SGMS1: variants seen among roughly 807,000 people sequenced by gnomAD.
SGMS1 encodes the protein phosphatidylcholine:ceramide cholinephosphotransferase 1.
Under a neutral mutation model 46.2 loss-of-function variants are expected in SGMS1, and 13 were observed. That is an observed-to-expected ratio of 0.28 (90% CI 0.18 to 0.45). The LOEUF is 0.45. Among genes scored for constraint, SGMS1 ranks in the 20% least tolerant of loss-of-function variants. The pLI, the probability that SGMS1 is intolerant of heterozygous loss-of-function variation, is 1.00. For missense variants in SGMS1, 324 were observed against 519.9 expected (o/e 0.62, Z 3.66); for synonymous variants, 203 against 187.8 (o/e 1.08, Z -0.66).
chr10:50,508,445 G>A (rs1286752016), intron 3 of SGMS1, among the ~76,000 whole-genome samples: 1 of 152,194 alleles, frequency 6.6e-6, no homozygotes, highest in South Asian at 2.1e-4. Flanking sequence ...GTTAACTGCG[G>A]TTAACATCTC....
At chr10:50,618,409 A>G (rs1256572982) in intron 1 of SGMS1, among the ~76,000 whole-genome samples, 2 of 152,246 alleles carry the variant, frequency 1.3e-5, no homozygotes, top group African/African-American at 2.4e-5. Context: ...GTTGATAAAC[A>G]GAAGACAGGA....
intron 6 of SGMS1, among the ~76,000 whole-genome samples, chr10:50,406,704 C>CTTTTTTTTTTTTTTTTT (rs11424535): frequency 2.1e-5 from 3 of 145,034 alleles, no homozygotes; most frequent in Non-Finnish European, 1.5e-5. Context: ...AGCTATAATT[C>CTTTTTTTTTTTTTTTTT]TTTTTTTTTT....
intron 1 of SGMS1, among the ~76,000 whole-genome samples, chr10:50,620,787 T>A (rs976411592): frequency 1.3e-5 from 2 of 152,242 alleles, no homozygotes; most frequent in African/African-American, 4.8e-5. Flanking sequence ...AGCTTTTCTA[T>A]AGCAGCACTT....
chr10:50,448,302 T>C, intron 5 of SGMS1, among the ~76,000 whole-genome samples: 1 of 152,206 alleles, frequency 6.6e-6, no homozygotes, highest in East Asian at 1.9e-4. Context: ...AAGAAGAGTA[T>C]ATTTTTTAAC....
At chr10:50,381,346 T>C (rs1848602958) in intron 6 of SGMS1, among the ~76,000 whole-genome samples, 1 of 151,934 alleles carries the variant, frequency 6.6e-6, no homozygotes, top group African/African-American at 2.4e-5. Context: ...GCAAAAGCAC[T>C]GTAAACAAAC....
At chr10:50,464,433 G>A (rs1336671190) in intron 4 of SGMS1, among the ~76,000 whole-genome samples, 1 of 152,200 alleles carries the variant, frequency 6.6e-6, no homozygotes, top group Non-Finnish European at 1.5e-5. Flanking sequence ...AGTGCAGCCT[G>A]TGGACACCTG....
chr10:50,573,588 C>T (rs1838354220), intron 2 of SGMS1, among the ~76,000 whole-genome samples: 1 of 152,062 alleles, frequency 6.6e-6, no homozygotes, highest in Non-Finnish European at 1.5e-5. Flanking sequence ...TCTATACTAC[C>T]CAAAGCAATT....
At chr10:50,520,396 T>C (rs1262409546) in intron 2 of SGMS1, among the ~76,000 whole-genome samples, 2 of 151,852 alleles carry the variant, frequency 1.3e-5, no homozygotes, top group Non-Finnish European at 2.9e-5. Flanking sequence ...AAAAAACTAT[T>C]AATGTCTTAT....
At chr10:50,459,695 C>G (rs557739100) in intron 5 of SGMS1, among the ~76,000 whole-genome samples, 4 of 152,216 alleles carry the variant, frequency 2.6e-5, no homozygotes, top group African/African-American at 7.2e-5. Context: ...TGAGCCACCA[C>G]GCCCAGCTGA....
intron 6 of SGMS1, among the ~76,000 whole-genome samples, chr10:50,375,289 T>C (rs1021058017): frequency 6.6e-6 from 1 of 152,176 alleles, no homozygotes; most frequent in African/African-American, 2.4e-5. Flanking sequence ...TTTAAGGGTG[T>C]GACTGGTGCT....
intron 1 of SGMS1, among the ~76,000 whole-genome samples, chr10:50,622,520 G>A (rs1373375979): frequency 6.6e-6 from 1 of 152,168 alleles, no homozygotes; most frequent in Non-Finnish European, 1.5e-5. Flanking sequence ...AAAATAACCT[G>A]TCCAAACAGC....
intron 2 of SGMS1, among the ~76,000 whole-genome samples, chr10:50,565,316 A>G (rs948691227): frequency 6.6e-6 from 1 of 152,212 alleles, no homozygotes; most frequent in Non-Finnish European, 1.5e-5. Context: ...ATACAAAATC[A>G]CATGTGTCAT....
intron 2 of SGMS1, among the ~76,000 whole-genome samples, chr10:50,529,478 G>A (rs1837933575): frequency 6.6e-6 from 1 of 152,194 alleles, no homozygotes; most frequent in South Asian, 2.1e-4. Context: ...GGTGTGAGGG[G>A]CTGCCCGAGG....
At chr10:50,525,167 T>A (rs186648181) in intron 2 of SGMS1, among the ~76,000 whole-genome samples, 2 of 152,308 alleles carry the variant, frequency 1.3e-5, no homozygotes, top group Admixed American at 1.3e-4. Context: ...ATCAATTCCA[T>A]CCTCAAGAAG....
chr10:50,313,045 C>T (rs1847281987), intron 8 of SGMS1, among the ~76,000 whole-genome samples: 1 of 152,180 alleles, frequency 6.6e-6, no homozygotes, highest in Non-Finnish European at 1.5e-5. Flanking sequence ...ACTAACTCTA[C>T]AGGAAACAAA....
At chr10:50,535,060 C>T (rs537160906) in intron 2 of SGMS1, among the ~76,000 whole-genome samples, 34 of 152,124 alleles carry the variant, frequency 2.2e-4, no homozygotes, top group African/African-American at 5.1e-4. Context: ...ATGGTGAAAC[C>T]GTCTCTACTA....
intron 1 of SGMS1, among the ~76,000 whole-genome samples, chr10:50,620,128 G>A (rs1181234997): frequency 6.6e-6 from 1 of 152,126 alleles, no homozygotes; most frequent in Non-Finnish European, 1.5e-5. Flanking sequence ...TACCTTCCTG[G>A]GGCTCCGCCC....
At chr10:50,415,217 T>C (rs1849153060) in intron 6 of SGMS1, among the ~76,000 whole-genome samples, 1 of 152,222 alleles carries the variant, frequency 6.6e-6, no homozygotes, top group African/African-American at 2.4e-5. Context: ...AAAAAACAAA[T>C]GAGGTTAATT....
intron 2 of SGMS1, among the ~76,000 whole-genome samples, chr10:50,571,098 G>A (rs867539508): frequency 2.0e-5 from 3 of 152,334 alleles, no homozygotes; most frequent in Middle Eastern, 3.4e-3. Flanking sequence ...GCAAACACTT[G>A]TTATCCCTTG....
Sources: allele counts gnomAD v4.1 joint callset (sites outside exome capture counted in the v4.1 genomes callset), GRCh38; gene constraint gnomAD v4.1.1; transcripts MANE v1.5; gene names NCBI Gene and HGNC (gene_info 2026-07-23, HGNC 2026-07-21).